DCDC2: variants seen among roughly 807,000 people sequenced by gnomAD.
The protein encoded by DCDC2 is doublecortin domain-containing protein 2.
DCDC2 carries 40 observed loss-of-function variants against 50.2 expected under a neutral mutation model. The ratio of observed to expected loss-of-function variants is 0.80; its 90% CI spans 0.62 to 1.04. The LOEUF (loss-of-function observed/expected upper bound fraction) is 1.04. Among genes scored for constraint, DCDC2 ranks in the 50% least tolerant of loss-of-function variants. The probability of loss-of-function intolerance (pLI) is 0.00; values close to 1 mark genes in which losing one functional copy is unlikely to be tolerated. For synonymous variants in DCDC2, 234 were observed against 210.6 expected, an observed-to-expected ratio of 1.11 and a Z score of -0.96; for missense variants, 570 against 581.9, an observed-to-expected ratio of 0.98 and a Z score of 0.21.
chr6:24,371,291 AAAG>A, the DCDC2 span, among the ~76,000 whole-genome samples: 769 of 139,834 alleles, frequency 5.5e-3, 15 homozygotes, highest in African/African-American at 0.016. Context: ...AAAAAAAAAA[AAAG>A]AAAAGAAAAG....
the DCDC2 span, among the ~76,000 whole-genome samples, chr6:24,380,109 C>T: frequency 6.6e-6 from 1 of 151,960 alleles, no homozygotes; most frequent in African/African-American, 2.4e-5. Context: ...TTGATGGGTG[C>T]AGCAAACCAA....
chr6:24,305,130 A>C (rs1317770215), intron 2 of DCDC2, among the ~76,000 whole-genome samples: 2 of 152,352 alleles, frequency 1.3e-5, no homozygotes, highest in East Asian at 3.9e-4. Context: ...TAGAGCACAG[A>C]TAGCTATAAA....
intron 4 of DCDC2, among the ~76,000 whole-genome samples, chr6:24,294,926 CA>C (rs925073436): frequency 1.3e-4 from 20 of 151,986 alleles, no homozygotes; most frequent in African/African-American, 4.8e-4. Flanking sequence ...GAAACTATTC[CA>C]AAAAATTGAG....
chr6:24,382,669 G>A, the DCDC2 span, among the ~76,000 whole-genome samples: 81,470 of 151,992 alleles, frequency 0.54, 23,936 homozygotes, highest in East Asian at 0.8. Flanking sequence ...TTTTCCAGGG[G>A]CTTCTTTCGT....
chr6:24,283,039 A>G (rs1280975560), intron 6 of DCDC2, among the ~76,000 whole-genome samples: 2 of 152,238 alleles, frequency 1.3e-5, no homozygotes, highest in Non-Finnish European at 2.9e-5. Context: ...CATAAGATGT[A>G]TAAGCCAAAT....
chr6:24,237,823 A>G (rs1016006473), intron 7 of DCDC2, among the ~76,000 whole-genome samples: 1 of 152,064 alleles, frequency 6.6e-6, no homozygotes, highest in African/African-American at 2.4e-5. Context: ...ACCAAAACAG[A>G]AAACCATAAA....
intron 7 of DCDC2, among the ~76,000 whole-genome samples, chr6:24,227,107 C>T (rs550826878): frequency 9.2e-5 from 14 of 152,144 alleles, no homozygotes; most frequent in African/African-American, 2.6e-4. Context: ...AAGCAGCAGA[C>T]GGGAGTATGA....
chr6:24,333,291 G>A (rs1027479717), intron 2 of DCDC2, among the ~76,000 whole-genome samples: 1 of 152,090 alleles, frequency 6.6e-6, no homozygotes, highest in African/African-American at 2.4e-5. Context: ...TCCACTTCTT[G>A]AAAGACGGTG....
intron 8 of DCDC2, among the ~76,000 whole-genome samples, chr6:24,194,548 T>A (rs1431392405): frequency 6.6e-6 from 1 of 152,234 alleles, no homozygotes; most frequent in Non-Finnish European, 1.5e-5. Flanking sequence ...GGTTATTTCA[T>A]AGTTACTGGT....
In DCDC2 at chr6:24,299,071, G is replaced by C. The variant is rs807705; in HGVS notation, c.557+2644C>G. ...CTGCCGTGCTATTCACAATAGCAAAGATGTGGAATCAGTCTAGGTGCTCCA... is the reference window on the plus strand; with the variant it reads ...CTGCCGTGCTATTCACAATAGCAAACATGTGGAATCAGTCTAGGTGCTCCA... On this transcript the variant is annotated intron_variant, in intron 4 of 9. Coordinates refer to ENST00000378454, the MANE Select transcript of DCDC2 (RefSeq NM_016356.5). Among the ~76,000 whole-genome samples, 954 of 152,292 alleles carry C rather than the reference G, an allele frequency of 6.3e-3. 18 individuals carry two copies. Among genetic ancestry groups the C allele is most frequent in the African/African-American group, 0.021 (885 of 41,566 alleles).
chr6:24,364,754 A>C, the DCDC2 span, among the ~76,000 whole-genome samples: 2 of 152,036 alleles, frequency 1.3e-5, no homozygotes, highest in Non-Finnish European at 2.9e-5. Flanking sequence ...AAAAAAGTAC[A>C]GTCCTTGACA....
intron 4 of DCDC2, among the ~76,000 whole-genome samples, chr6:24,294,162 G>C (rs1763811132): frequency 6.6e-6 from 1 of 152,126 alleles, no homozygotes; most frequent in African/African-American, 2.4e-5. Flanking sequence ...TTTGAGGCCA[G>C]CCTGGGCAAC....
chr6:24,359,311 A>G (rs1404715113), upstream of DCDC2, among the ~76,000 whole-genome samples: 2 of 76,128 alleles, frequency 2.6e-5, no homozygotes, highest in African/African-American at 1.1e-4. Flanking sequence ...TATATATATT[A>G]TATATTTTAT....
At chr6:24,362,644 C>G (rs1760688893), upstream of DCDC2, among the ~76,000 whole-genome samples, 2 of 152,074 alleles carry the variant, frequency 1.3e-5, no homozygotes, top group South Asian at 4.1e-4. Flanking sequence ...AAGGCAGTTC[C>G]AGGCACACAA....
intron 7 of DCDC2, among the ~76,000 whole-genome samples, chr6:24,246,479 CTTTTTT>C (rs4052666): frequency 1.7e-3 from 122 of 70,790 alleles, no homozygotes; most frequent in Middle Eastern, 0.018. Context: ...TTTTCTTTTT[CTTTTTT>C]TTTTTTTTTT....
chr6:24,231,556 C>G (rs1296266615), intron 7 of DCDC2, among the ~76,000 whole-genome samples: 5 of 152,126 alleles, frequency 3.3e-5, no homozygotes, highest in Admixed American at 2.0e-4. Context: ...AAAGAACAAT[C>G]CTCCCCTCCC....
At chr6:24,201,331 A>G (rs1238149512) in intron 8 of DCDC2, among the ~76,000 whole-genome samples, 1 of 152,236 alleles carries the variant, frequency 6.6e-6, no homozygotes, top group Non-Finnish European at 1.5e-5. Context: ...ATCAAATTAG[A>G]ACTCAGAATT....
chr6:24,230,902 G>A (rs1007869609), intron 7 of DCDC2, among the ~76,000 whole-genome samples: 1 of 152,120 alleles, frequency 6.6e-6, no homozygotes. Context: ...TCTGTCTTAA[G>A]GCTCTACCTA....
rs1430030739 is a variant in DCDC2, at chr6:24,325,643, A to G, written c.349-23599T>C. ...AAAATTTTCTGCAAGTTCAGGGTAC[A>G]TATAGCAGGTGCAGTGGATTTTTGT... On this transcript the variant is annotated intron_variant, in intron 2 of 9. Coordinates refer to ENST00000378454, the MANE Select transcript of DCDC2 (RefSeq NM_016356.5). Among the ~76,000 whole-genome samples the G allele has an allele frequency of 2.0e-5, 3 of 149,530 alleles. 1 individual carries two copies. Among genetic ancestry groups the G allele is most frequent in the East Asian group, 4.5e-4 (2 of 4,462 alleles).
Sources: allele counts gnomAD v4.1 joint callset (sites outside exome capture counted in the v4.1 genomes callset), GRCh38; gene constraint gnomAD v4.1.1; transcripts MANE v1.5; gene names NCBI Gene and HGNC (gene_info 2026-07-23, HGNC 2026-07-21).